VKORC1L1: variants seen among roughly 807,000 people sequenced by gnomAD.
VKORC1L1 encodes vitamin K epoxide reductase complex subunit 1-like protein 1.
In VKORC1L1, 2 loss-of-function variants were observed where a neutral mutation model predicts 18.9. That is an observed-to-expected ratio of 0.11 (90% CI 0.04 to 0.33). The LOEUF is 0.33. VKORC1L1 is among the 10% of genes least tolerant of loss of function. The pLI is 1.00. For synonymous variants in VKORC1L1, 96 were observed against 100.0 expected (o/e 0.96, Z 0.24); for missense variants, 123 against 224.1 (o/e 0.55, Z 2.88).
At chr7:65,912,534 A>C (rs1789518111) in intron 1 of VKORC1L1, among the ~76,000 whole-genome samples, 1 of 152,198 alleles carries the variant, frequency 6.6e-6, no homozygotes, top group Non-Finnish European at 1.5e-5. Context: ...TTGAATCTTA[A>C]TGCACAAAGG....
the VKORC1L1 span, among the ~76,000 whole-genome samples, chr7:65,865,829 A>G: frequency 6.6e-6 from 1 of 151,858 alleles, no homozygotes; most frequent in East Asian, 1.9e-4. Context: ...ATTTTTGAAT[A>G]ATTTATTCCT....
chr7:65,871,177 T>C (rs1290625418), upstream of VKORC1L1, among the ~76,000 whole-genome samples: 6 of 152,128 alleles, frequency 3.9e-5, no homozygotes, highest in East Asian at 1.2e-3. Context: ...GACTATTTTC[T>C]TTTTCTTTCT....
At chr7:65,912,113 G>T (rs1180238443) in intron 1 of VKORC1L1, among the ~76,000 whole-genome samples, 1 of 152,182 alleles carries the variant, frequency 6.6e-6, no homozygotes, top group Admixed American at 6.5e-5. Flanking sequence ...GACAGAGCAA[G>T]ACCCCATCTC....
intron 2 of VKORC1L1, among the ~76,000 whole-genome samples, chr7:65,952,633 G>C (rs73372603): frequency 0.018 from 2,800 of 152,040 alleles, 54 homozygotes; most frequent in East Asian, 0.087. Context: ...TTATCCATGA[G>C]TCATTGGGTA....
At chr7:65,918,682 A>G (rs1269680192) in intron 1 of VKORC1L1, among the ~76,000 whole-genome samples, 1 of 152,262 alleles carries the variant, frequency 6.6e-6, no homozygotes, top group African/African-American at 2.4e-5. Flanking sequence ...AAGCCACCAA[A>G]TTTGGAGATC....
intron 1 of VKORC1L1, among the ~76,000 whole-genome samples, chr7:65,900,259 G>A (rs1337049356): frequency 6.7e-6 from 1 of 148,212 alleles, no homozygotes; most frequent in Non-Finnish European, 1.5e-5. Context: ...GCGTGGTGGC[G>A]GGCACCTGTA....
chr7:65,932,822 G>A (rs1286112328), intron 1 of VKORC1L1, among the ~76,000 whole-genome samples: 3 of 152,202 alleles, frequency 2.0e-5, no homozygotes, highest in Non-Finnish European at 4.4e-5. Flanking sequence ...GCTCATGCCT[G>A]TAATCCCAGC....
At position 65,911,910 on chromosome 7, in the gene VKORC1L1, A is replaced by T. The variant is rs117541791; in HGVS notation, c.195-36761A>T. On this transcript the variant is annotated intron_variant, in intron 1 of 2. Transcript: ENST00000360768. ...GGCTTTACATGCATTAAGTCCATAG[A>T]AAATAGCTAGTTTCACTGCATCTTT... Among the ~76,000 whole-genome samples the T allele has an allele frequency of 6.6e-5, 10 of 152,356 alleles. No individual in the cohort carries two copies. In the East Asian group the frequency reaches 1.2e-3, roughly 18 times the overall value.
At chr7:65,947,535 G>T (rs1254023667) in intron 1 of VKORC1L1, among the ~76,000 whole-genome samples, 1 of 151,012 alleles carries the variant, frequency 6.6e-6, no homozygotes, top group Admixed American at 6.6e-5. Flanking sequence ...TATCAAATAA[G>T]TTAACAATTT....
intron 1 of VKORC1L1, among the ~76,000 whole-genome samples, chr7:65,886,762 C>T (rs552267295): frequency 5.3e-5 from 8 of 150,780 alleles, no homozygotes; most frequent in Non-Finnish European, 8.8e-5. Flanking sequence ...TGGTCTCAAT[C>T]TCCTGACCTT....
At chr7:65,928,881 A>G (rs932371081) in intron 1 of VKORC1L1, among the ~76,000 whole-genome samples, 2 of 152,192 alleles carry the variant, frequency 1.3e-5, no homozygotes, top group African/African-American at 4.8e-5. Flanking sequence ...GTTGCTCCAC[A>G]TCCTCACCAG....
At chr7:65,874,293 T>C (rs148344778) in intron 1 of VKORC1L1, among the ~76,000 whole-genome samples, 6,576 of 152,158 alleles carry the variant, frequency 0.043, 478 homozygotes, top group African/African-American at 0.15. Flanking sequence ...GGGTCTAGTT[T>C]AAGCTTCATT....
chr7:65,885,409 TA>T (rs1429976824), intron 1 of VKORC1L1, among the ~76,000 whole-genome samples: 1 of 152,112 alleles, frequency 6.6e-6, no homozygotes, highest in African/African-American at 2.4e-5. Context: ...ATCTTTCACT[TA>T]AAAAAATTCT....
chr7:65,873,496 G>T lies in VKORC1L1; in HGVS notation c.125G>T (p.Arg42Leu). The change falls in exon 1 of 3, where the codon CGG (arginine) becomes CTG (leucine). Residue 42 changes from arginine (R) to leucine (L), a missense_variant. By Grantham distance (102) the Arg-to-Leu change is moderately radical (BLOSUM62 -2). Around this residue, in one of 4 missense-constraint regions of VKORC1L1, gnomAD observed 60 missense variants for 76.9 expected, o/e 0.78. Transcript: ENST00000360768. Reference protein sequence around the residue: ...YAYHVEREKERDPEHRALCDL... With the variant: ...YAYHVEREKELDPEHRALCDL... ...TACCACGTGGAGCGGGAGAAGGAGC[G>T]GGACCCCGAGCACCGGGCCCTCTGC... 1.3e-6 allele frequency: 2 copies of T among 1,594,304 alleles called. No individual in the cohort carries two copies. The highest frequency in any genetic ancestry group is 1.7e-6 in the Non-Finnish European group (2 of 1,171,842).
rs201683164 is a variant in VKORC1L1 at position 65,954,301 on chromosome 7, C to T, written c.*1C>T. The T allele has an allele frequency of 1.2e-5, 20 of 1,614,038 alleles. No individual in the cohort carries two copies. The highest frequency in any genetic ancestry group is 1.1e-4 in the East Asian group (5 of 44,892). On this transcript the variant is annotated 3_prime_UTR_variant, in exon 3 of 3. Coordinates refer to ENST00000360768, the MANE Select transcript of VKORC1L1 (RefSeq NM_173517.6). ...GCAGCTGCAACCCAAGCAGGACTGA[C>T]GCCCGACAGACTCCACCCTAACAGT... is the stretch of plus-strand genomic sequence containing the variant.
chr7:65,942,935 C>T (rs1233786294), intron 1 of VKORC1L1, among the ~76,000 whole-genome samples: 1 of 152,202 alleles, frequency 6.6e-6, no homozygotes, highest in Non-Finnish European at 1.5e-5. Context: ...TAGAACAGAT[C>T]ATTCTGGGCT....
chr7:65,872,810 A>G (rs1280986664), upstream of VKORC1L1, among the ~76,000 whole-genome samples: 1 of 152,048 alleles, frequency 6.6e-6, no homozygotes, highest in African/African-American at 2.4e-5. Context: ...ACAACGAAAA[A>G]GGGAAAAAGG....
intron 1 of VKORC1L1, among the ~76,000 whole-genome samples, chr7:65,888,093 A>T (rs1238336778): frequency 6.6e-6 from 1 of 152,152 alleles, no homozygotes; most frequent in Admixed American, 6.6e-5. Context: ...CTGTGTGTGT[A>T]TGTGTCTGTG....
At chr7:65,881,648 G>A (rs1022411478) in intron 1 of VKORC1L1, among the ~76,000 whole-genome samples, 10 of 152,162 alleles carry the variant, frequency 6.6e-5, no homozygotes, top group South Asian at 2.1e-4. Context: ...AAATCCTAGC[G>A]TACTCAAGTC....
Sources: gnomAD v4.1 joint callset for allele counts (sites outside exome capture counted in the v4.1 genomes callset) on GRCh38, gnomAD v4.1.1 for gene constraint, gnomAD v4.1.1 regional missense constraint, MANE v1.5 for transcripts, NCBI Gene and HGNC (gene_info 2026-07-23, HGNC 2026-07-21) for gene names.